The following MICAL3 variants were observed in gnomAD, a reference collection of about 807,000 sequenced individuals.
MICAL3 encodes microtubule associated monooxygenase, calponin and LIM domain containing 3, also known as [F-actin]-monooxygenase MICAL3.
MICAL3 carries 62 observed loss-of-function variants against 207.4 expected under a neutral mutation model. The ratio of observed to expected loss-of-function variants is 0.30; its 90% CI spans 0.24 to 0.37. The LOEUF is 0.37. Ranked by LOEUF, MICAL3 falls within the 10% of genes least tolerant of loss-of-function variation. The pLI is 1.00. For synonymous variants in MICAL3, 1,077 were observed against 1,069.3 expected, an observed-to-expected ratio of 1.01 and a Z score of -0.14; for missense variants, 2,368 against 2,635.6, an observed-to-expected ratio of 0.90 and a Z score of 2.22.
intron 1 of MICAL3, among the ~76,000 whole-genome samples, chr22:17,909,706 A>AT (rs1931989367): frequency 6.6e-6 from 1 of 152,210 alleles, no homozygotes; most frequent in South Asian, 2.1e-4. Context: ...AAAAGGGCCC[A>AT]TTATTTATCT....
chr22:17,884,543 C>G (rs1412291616), intron 16 of MICAL3, among the ~76,000 whole-genome samples: 1 of 152,174 alleles, frequency 6.6e-6, no homozygotes, highest in East Asian at 1.9e-4. Flanking sequence ...ACAGCCTCCC[C>G]CAAACCAAAA....
chr22:17,916,533 C>G (rs1932526000), intron 1 of MICAL3, among the ~76,000 whole-genome samples: 1 of 152,220 alleles, frequency 6.6e-6, no homozygotes, highest in Admixed American at 6.5e-5. Context: ...ACAAGTAGAC[C>G]TTGTCCTCAG....
intron 16 of MICAL3, among the ~76,000 whole-genome samples, chr22:17,878,105 G>T (rs1432428376): frequency 6.6e-6 from 1 of 151,572 alleles, no homozygotes; most frequent in African/African-American, 2.4e-5. Context: ...TGCCTGCCTC[G>T]GCCTCCCAAA....
chr22:17,929,277 T>C (rs934656455), intron 1 of MICAL3, among the ~76,000 whole-genome samples: 8 of 151,144 alleles, frequency 5.3e-5, no homozygotes, highest in African/African-American at 1.9e-4. Context: ...TTTTTTTTTT[T>C]TTTTTTTTAG....
At chr22:17,851,723 G>A (rs1225396943) in intron 19 of MICAL3, among the ~76,000 whole-genome samples, 1 of 152,158 alleles carries the variant, frequency 6.6e-6, no homozygotes, top group African/African-American at 2.4e-5. Context: ...CTACCAAGAC[G>A]GCAAGAGTTC....
At chr22:17,871,329 G>A (rs772725031) in intron 17 of MICAL3, among the ~76,000 whole-genome samples, 35 of 152,160 alleles carry the variant, frequency 2.3e-4, no homozygotes, top group Non-Finnish European at 3.7e-4. Context: ...GCAATGGTTC[G>A]CAATCCACCA....
At position 17,896,783 on chromosome 22, in the gene MICAL3, C is replaced by G; in HGVS notation, c.1147G>C (p.Val383Leu). ...AACTGGTGTCCGTTCTGCTCCCGCACCAAGGCGGCGTTCTCGGAGGCATAC... is the reference window on the plus strand; with the variant it reads ...AACTGGTGTCCGTTCTGCTCCCGCAGCAAGGCGGCGTTCTCGGAGGCATAC... The part of the protein sequence containing the change: ...CMYASENAAL[V>L]REQNGHQLLV... Residue 383 changes from valine (V) to leucine (L), a missense_variant, in exon 8 of 32, where the codon GTG becomes CTG. Val to Leu is a conservative substitution (Grantham distance 32, BLOSUM62 1). Around this residue, in one of 4 missense-constraint regions of MICAL3, gnomAD observed 400 missense variants for 547.0 expected, o/e 0.73. Transcript: ENST00000441493. The G allele has an allele frequency of 6.2e-7, 1 of 1,614,062 alleles. No homozygotes were observed. The highest frequency in any genetic ancestry group is 1.1e-5 in the South Asian group (1 of 91,086).
intron 20 of MICAL3, among the ~76,000 whole-genome samples, chr22:17,839,032 G>A (rs1019211292): frequency 6.1e-5 from 9 of 147,152 alleles, no homozygotes; most frequent in Non-Finnish European, 1.2e-4. Context: ...CATGATCCTG[G>A]CTCACTGTAA....
chr22:18,017,447 C>G (rs149119916), intron 1 of MICAL3, among the ~76,000 whole-genome samples: 1,538 of 152,060 alleles, frequency 0.01, 7 homozygotes, highest in Middle Eastern at 0.017. Context: ...GAACTCATGA[C>G]CTTGTGATCC....
chr22:17,842,352 G>T, intron 19 of MICAL3: 1 of 271,200 alleles, frequency 3.7e-6, no homozygotes, highest in Non-Finnish European at 7.1e-6. Context: ...GCAGCCAGGA[G>T]CCAGGTGCCC....
intron 7 of MICAL3, among the ~76,000 whole-genome samples, chr22:17,897,215 G>A (rs935551211): frequency 6.6e-6 from 1 of 152,064 alleles, no homozygotes; most frequent in Non-Finnish European, 1.5e-5. Context: ...TTGAGGACGT[G>A]ACTTCGAGAC....
In MICAL3 at chr22:17,926,539, G is replaced by A. The variant is rs189044608; in HGVS notation, c.-74-19653C>T. On this transcript the variant is annotated intron_variant, in intron 1 of 31. Transcript: ENST00000441493. Reference sequence around the variant, plus strand: ...GACATCTCCATCAGAATATGCCAGGGCATACATATTCTGCTCCAACTCAGG... The same window carrying A: ...GACATCTCCATCAGAATATGCCAGGACATACATATTCTGCTCCAACTCAGG... 5.9e-5 allele frequency among the ~76,000 whole-genome samples: 9 copies of A among 152,254 alleles called. No homozygotes were observed. The East Asian group carries it at 1.7e-3, about 29-fold the overall frequency.
intron 1 of MICAL3, among the ~76,000 whole-genome samples, chr22:17,989,872 C>T (rs1376574644): frequency 2.0e-5 from 3 of 152,174 alleles, no homozygotes; most frequent in Non-Finnish European, 2.9e-5. Flanking sequence ...AGTTAGCATG[C>T]TTGTTTTCCC....
At chr22:18,011,415 C>T (rs1469848168) in intron 1 of MICAL3, among the ~76,000 whole-genome samples, 2 of 152,122 alleles carry the variant, frequency 1.3e-5, no homozygotes, top group Admixed American at 6.5e-5. Flanking sequence ...CATGGTGGCA[C>T]ACGCCTGTAA....
intron 29 of MICAL3, among the ~76,000 whole-genome samples, chr22:17,795,311 C>T (rs919537109): frequency 6.6e-6 from 1 of 152,244 alleles, no homozygotes; most frequent in Non-Finnish European, 1.5e-5. Context: ...AGGCTTGGAA[C>T]ACCTGGATGA....
Position 17,841,653 on chromosome 22 carries a change from C to A in MICAL3, c.2801+169G>T, listed in dbSNP as rs1413936153. 1.6e-6 allele frequency: 1 copy of A among 640,164 alleles called. No individual in the cohort carries two copies. The highest frequency in any genetic ancestry group is 2.8e-5 in the East Asian group (1 of 36,312). The allele number at this position is 640,164 out of a possible 1,614,324, so 39.7% of individuals were successfully genotyped here. ...ATTGAGTCTGATGGAGGAGTCCTCACTGACTAGAAGATGAGGCTAAGAACC... is the reference window on the plus strand; with the variant it reads ...ATTGAGTCTGATGGAGGAGTCCTCAATGACTAGAAGATGAGGCTAAGAACC... On this transcript the variant is annotated intron_variant, in intron 20 of 31. Transcript: ENST00000441493. The surrounding 1 kb of genome is among the most constrained non-coding windows in gnomAD (Gnocchi z 4.2).
At chr22:17,872,788 T>C in intron 16 of MICAL3, 2 of 1,613,836 alleles carry the variant, frequency 1.2e-6, no homozygotes, top group Non-Finnish European at 1.7e-6. Context: ...TGTTCTTTCC[T>C]TTGAAGCTGA....
intron 29 of MICAL3, among the ~76,000 whole-genome samples, chr22:17,804,472 G>A (rs185450692): frequency 6.6e-6 from 1 of 152,296 alleles, no homozygotes; most frequent in East Asian, 1.9e-4. Context: ...AAATTCAGTC[G>A]GCCTTCTTAA....
intron 1 of MICAL3, among the ~76,000 whole-genome samples, chr22:17,912,965 C>T (rs186796665): frequency 9.9e-4 from 151 of 152,282 alleles, no homozygotes; most frequent in African/African-American, 3.5e-3. Flanking sequence ...CATGGTTTTT[C>T]GCATATGGCT....
Sources: allele counts gnomAD v4.1 joint callset (sites outside exome capture counted in the v4.1 genomes callset), GRCh38; gene constraint gnomAD v4.1.1; regional missense constraint gnomAD v4.1.1; non-coding constraint Gnocchi (gnomAD v3.1); transcripts MANE v1.5; gene names NCBI Gene and HGNC (gene_info 2026-07-23, HGNC 2026-07-21).